DNAH8: variants seen among roughly 807,000 people sequenced by gnomAD.
The protein encoded by DNAH8 is dynein axonemal heavy chain 8.
Under a neutral mutation model 562.1 loss-of-function variants are expected in DNAH8, and 382 were observed. The observed-to-expected ratio is 0.68, with a 90% CI of 0.63 to 0.74. DNAH8 has a LOEUF of 0.74. DNAH8 is among the 30% of genes least tolerant of loss of function. DNAH8 has a pLI of 0.00. For synonymous variants in DNAH8, 1,881 were observed against 1,919.4 expected (o/e 0.98, Z 0.52); for missense variants, 5,203 against 5,620.4 (o/e 0.93, Z 2.37).
intron 52 of DNAH8, 39 bp downstream of exon 52, chr6:38,873,415 A>T: frequency 1.3e-6 from 2 of 1,528,352 alleles, no homozygotes; most frequent in Non-Finnish European, 1.8e-6. Flanking sequence ...TTCGATTTTG[A>T]TTTTTTTTTC....
chr6:38,846,338 G>A (rs1056670501), intron 36 of DNAH8, among the ~76,000 whole-genome samples: 2 of 152,186 alleles, frequency 1.3e-5, no homozygotes, highest in African/African-American at 4.8e-5. Flanking sequence ...ATGATCTTGA[G>A]TGCAGCTTTA....
chr6:38,940,495 C>G (rs1227277795), intron 79 of DNAH8, among the ~76,000 whole-genome samples: 2 of 152,134 alleles, frequency 1.3e-5, no homozygotes, highest in Non-Finnish European at 1.5e-5. Context: ...ATTTCAGTGA[C>G]TTAACACAAC....
intron 70 of DNAH8, 115 bp from the exon 71 acceptor site, chr6:38,921,254 A>C: frequency 8.2e-7 from 1 of 1,216,856 alleles, no homozygotes; most frequent in East Asian, 2.5e-5. Flanking sequence ...ACACGGAAAC[A>C]GATGTGCTCG....
chr6:38,935,835 T>C, intron 77 of DNAH8, 138 bp downstream of exon 77: 3 of 600,822 alleles, frequency 5.0e-6, no homozygotes, highest in Non-Finnish European at 5.5e-6. Flanking sequence ...GCAATTTCCA[T>C]CTAGACATTA....
intron 89 of DNAH8, among the ~76,000 whole-genome samples, chr6:39,009,911 T>A (rs1766073699): frequency 6.6e-6 from 1 of 152,196 alleles, no homozygotes; most frequent in South Asian, 2.1e-4. Context: ...ATATTGTAAG[T>A]ATACACTTTC....
intron 82 of DNAH8, among the ~76,000 whole-genome samples, chr6:38,961,344 TA>T (rs1390230636): frequency 1.3e-5 from 2 of 152,024 alleles, no homozygotes; most frequent in African/African-American, 2.4e-5. Flanking sequence ...GACGGATATC[TA>T]AATTACCTGA....
chr6:38,858,695 C>G (rs1030010507), intron 42 of DNAH8, among the ~76,000 whole-genome samples: 1 of 152,176 alleles, frequency 6.6e-6, no homozygotes, highest in East Asian at 1.9e-4. Context: ...GGAAAAACTG[C>G]TCTAGGATTT....
At chr6:38,737,349 GA>G (rs1444169580) in intron 6 of DNAH8, 93 bp downstream of exon 6, 1 of 758,626 alleles carries the variant, frequency 1.3e-6, no homozygotes. Flanking sequence ...TATCTTAAAA[GA>G]TGTTAATCCA....
chr6:38,882,007 G>A (rs913255135), intron 53 of DNAH8, among the ~76,000 whole-genome samples: 12 of 152,132 alleles, frequency 7.9e-5, no homozygotes, highest in African/African-American at 2.7e-4. Flanking sequence ...TTTCAGGCAA[G>A]GTTTCTCCAG....
intron 49 of DNAH8, 86 bp from the exon 50 acceptor site, chr6:38,872,450 A>T: frequency 2.1e-6 from 3 of 1,433,278 alleles, no homozygotes; most frequent in Non-Finnish European, 2.9e-6. Flanking sequence ...AGAGCTTATT[A>T]AAGCCTTTAA....
intron 85 of DNAH8, among the ~76,000 whole-genome samples, chr6:38,978,392 A>G (rs1435751649): frequency 1.3e-5 from 2 of 152,188 alleles, no homozygotes; most frequent in Non-Finnish European, 2.9e-5. Context: ...GCCTTGATAA[A>G]CATTCCTTTC....
chr6:38,776,005 C>T, intron 13 of DNAH8, 54 bp downstream of exon 13: 2 of 1,081,714 alleles, frequency 1.8e-6, no homozygotes, highest in Non-Finnish European at 2.8e-6. Context: ...GTCAGTAGTA[C>T]TATCTGGTAC....
At chr6:38,931,700 C>A in intron 75 of DNAH8, 111 bp from the exon 76 acceptor site, 2 of 585,380 alleles carry the variant, frequency 3.4e-6, no homozygotes, top group Non-Finnish European at 5.7e-6. Flanking sequence ...CTTTCCTTCC[C>A]AATTTATTGA....
chr6:38,924,096 G>T lies in DNAH8; in HGVS notation c.10896G>T (p.Leu3632Phe), dbSNP rs905548870. Reference protein sequence around the residue: ...YLLKDQWEMELRARKIPFTEN... With the variant: ...YLLKDQWEMEFRARKIPFTEN... ...TTAAAGATCAATGGGAAATGGAGTT[G>T]AGAGCACGGAAAATTCCTTTCACAG... Residue 3632 changes from leucine to phenylalanine, a missense_variant, in exon 73 of 93, where the codon TTG becomes TTT. Coordinates refer to ENST00000327475, the MANE Select transcript of DNAH8 (RefSeq NM_001206927.2). The T allele has an allele frequency of 6.2e-7, 1 of 1,614,030 alleles. No individual in the cohort carries two copies.
chr6:38,838,684 C>G (rs944720350), intron 33 of DNAH8, among the ~76,000 whole-genome samples: 1 of 139,072 alleles, frequency 7.2e-6, no homozygotes, highest in Non-Finnish European at 1.6e-5. Flanking sequence ...CAGGCGTGAG[C>G]CACCACGCCT....
chr6:39,026,908 G>A (rs764603273), intron 92 of DNAH8, among the ~76,000 whole-genome samples: 68 of 152,302 alleles, frequency 4.5e-4, no homozygotes, highest in Non-Finnish European at 7.1e-4. Flanking sequence ...AAAATTACAA[G>A]TTACACTTGT....
chr6:39,014,245 C>T (rs1022705618), intron 91 of DNAH8, among the ~76,000 whole-genome samples: 5 of 152,116 alleles, frequency 3.3e-5, no homozygotes, highest in Non-Finnish European at 5.9e-5. Flanking sequence ...TTTCACTTAT[C>T]TATTTTTCTC....
chr6:38,863,934 A>G lies in DNAH8; in HGVS notation c.6372A>G (p.Val2124=), dbSNP rs1776839607. ...AGTTTAACAGAATTGAATTGCCTGTATTATCAGTGGCAGCACAACAAATTT... is the reference window on the plus strand; with the variant it reads ...AGTTTAACAGAATTGAATTGCCTGTGTTATCAGTGGCAGCACAACAAATTT... The part of the protein sequence containing the change: ...FDEFNRIELP[V]LSVAAQQIYI... Residue 2124 remains valine, a synonymous_variant, in exon 45 of 93, where the codon GTA becomes GTG. Transcript: ENST00000327475. The G allele has an allele frequency of 6.2e-7, 1 of 1,612,932 alleles. No individual in the cohort carries two copies. Among genetic ancestry groups the G allele is most frequent in the Non-Finnish European group, 8.5e-7 (1 of 1,179,772 alleles).
intron 15 of DNAH8, among the ~76,000 whole-genome samples, chr6:38,780,442 A>C (rs1302674084): frequency 6.6e-6 from 1 of 152,222 alleles, no homozygotes; most frequent in Non-Finnish European, 1.5e-5. Context: ...ATCAACCCAA[A>C]TGCCCATCAA....
Sources: gnomAD v4.1 joint callset for allele counts (sites outside exome capture counted in the v4.1 genomes callset) on GRCh38, gnomAD v4.1.1 for gene constraint, MANE v1.5 for transcripts, NCBI Gene and HGNC (gene_info 2026-07-23, HGNC 2026-07-21) for gene names.